SHANK2: variants seen among roughly 807,000 people sequenced by gnomAD.
SHANK2 encodes SH3 and multiple ankyrin repeat domains protein 2.
A neutral mutation model predicts 133.7 loss-of-function variants in SHANK2; 43 were observed. The ratio of observed to expected loss-of-function variants is 0.32; its 90% CI spans 0.25 to 0.41. The LOEUF (loss-of-function observed/expected upper bound fraction) is 0.41, where lower values mean the gene tolerates loss of function less well. SHANK2 is among the 10% of genes least tolerant of loss of function. The pLI is 1.00. For synonymous variants in SHANK2, 1,017 were observed against 952.8 expected (o/e 1.07, Z -1.24); for missense variants, 1,994 against 2,235.8 (o/e 0.89, Z 2.18).
At chr11:71,167,525 G>A (rs1555111201) in intron 2 of SHANK2, among the ~76,000 whole-genome samples, 15 of 131,414 alleles carry the variant, frequency 1.1e-4, no homozygotes, top group East Asian at 4.4e-4. Flanking sequence ...AGACAGGGCG[G>A]CTGGCCGGGC....
chr11:70,787,060 C>G (rs1419733108), intron 14 of SHANK2, among the ~76,000 whole-genome samples: 2 of 151,408 alleles, frequency 1.3e-5, no homozygotes, highest in Non-Finnish European at 2.9e-5. Context: ...CCATGAGCAT[C>G]ACCATCAGCA....
At chr11:70,857,662 G>T (rs998398680) in intron 11 of SHANK2, among the ~76,000 whole-genome samples, 1 of 152,174 alleles carries the variant, frequency 6.6e-6, no homozygotes, top group Admixed American at 6.5e-5. Context: ...TAGTTGACGT[G>T]ATGGCCCACC....
rs782582272 is a variant in SHANK2, at chr11:70,900,036, T to C, written c.1108-3469A>G. On this transcript the variant is annotated intron_variant, in intron 10 of 25. Coordinates refer to ENST00000601538, the MANE Select transcript of SHANK2 (RefSeq NM_012309.5). ...ACAAGTAAAGGTTTAGAGCAGTGCG[T>C]GGCACATGGCCAATCAACCCTAAAA... Among the ~76,000 whole-genome samples the C allele has an allele frequency of 5.5e-4, 83 of 152,188 alleles. 1 individual carries two copies. Among genetic ancestry groups the C allele is most frequent in the Non-Finnish European group, 1.1e-3 (73 of 68,026 alleles).
chr11:70,608,847 C>T (rs182444595), intron 17 of SHANK2, among the ~76,000 whole-genome samples: 1 of 152,346 alleles, frequency 6.6e-6, no homozygotes, highest in Non-Finnish European at 1.5e-5. Flanking sequence ...CTCATTCCAG[C>T]GGCTATAAAT....
chr11:70,539,486 TCACTCGCCA>T (rs1554974771), intron 17 of SHANK2, among the ~76,000 whole-genome samples: 1 of 150,862 alleles, frequency 6.6e-6, no homozygotes, highest in Non-Finnish European at 1.5e-5. Context: ...CACAGAAAGC[TCACTCGCCA>T]CGCTCACCAC....
At chr11:71,145,147 G>A (rs1355188401) in intron 3 of SHANK2, among the ~76,000 whole-genome samples, 4 of 152,238 alleles carry the variant, frequency 2.6e-5, no homozygotes, top group African/African-American at 9.6e-5. Flanking sequence ...CCTGGGGCCA[G>A]TGGCATGGCC....
chr11:70,854,738 C>T (rs1555066483), intron 11 of SHANK2, among the ~76,000 whole-genome samples: 1 of 152,156 alleles, frequency 6.6e-6, no homozygotes, highest in African/African-American at 2.4e-5. Context: ...CAATGGGGAG[C>T]CCAGGGAGAA....
At chr11:71,080,351 A>G (rs998578871) in intron 8 of SHANK2, among the ~76,000 whole-genome samples, 80 of 152,238 alleles carry the variant, frequency 5.3e-4, no homozygotes, top group African/African-American at 1.6e-3. Flanking sequence ...CTGTGCAACC[A>G]CAAGACTTGG....
intron 2 of SHANK2, among the ~76,000 whole-genome samples, chr11:71,163,087 A>T (rs1267267238): frequency 3.6e-5 from 3 of 82,352 alleles, no homozygotes; most frequent in Non-Finnish European, 7.7e-5. Flanking sequence ...AAAAAAAAAA[A>T]AAAAAAATAC....
At chr11:70,495,555 G>A (rs2058956829) in intron 21 of SHANK2, among the ~76,000 whole-genome samples, 1 of 152,218 alleles carries the variant, frequency 6.6e-6, no homozygotes, top group Non-Finnish European at 1.5e-5. Flanking sequence ...CAATGAAACG[G>A]GGGTTGAGAT....
At chr11:71,131,176 T>C (rs1367773370) in intron 3 of SHANK2, among the ~76,000 whole-genome samples, 1 of 152,250 alleles carries the variant, frequency 6.6e-6, no homozygotes, top group Non-Finnish European at 1.5e-5. Flanking sequence ...AATTGGTTTA[T>C]TCCCAAATGC....
At chr11:70,809,298 G>A (rs1453736381) in intron 12 of SHANK2, among the ~76,000 whole-genome samples, 2 of 152,214 alleles carry the variant, frequency 1.3e-5, no homozygotes, top group East Asian at 1.9e-4. Context: ...CCTCTGAGGC[G>A]ATGGAGGCAG....
At chr11:71,185,192 T>C (rs1197619794) in intron 2 of SHANK2, among the ~76,000 whole-genome samples, 1 of 152,202 alleles carries the variant, frequency 6.6e-6, no homozygotes, top group Non-Finnish European at 1.5e-5. Context: ...ACTGTTATGG[T>C]TGTTGAAACT....
At chr11:71,085,775 T>TAATATA (rs1951388709) in intron 8 of SHANK2, among the ~76,000 whole-genome samples, 1 of 76,736 alleles carries the variant, frequency 1.3e-5, no homozygotes, top group Non-Finnish European at 2.2e-5. Context: ...ATATATTATA[T>TAATATA]TTATATTATA....
At chr11:71,206,243 C>T (rs529086675) in intron 2 of SHANK2, among the ~76,000 whole-genome samples, 51 of 152,332 alleles carry the variant, frequency 3.3e-4, no homozygotes, top group Admixed American at 2.3e-3. Flanking sequence ...AGAGCGACTC[C>T]AGGAAGGGCT....
rs564499181 is a variant in SHANK2, at chr11:70,505,699, C to G, written c.2062-2768G>C. ...CTGGATCTGATGCTTGGGGAGAGTA[C>G]GAGACTGGCACGGGGATGGGCTGCC... On this transcript the variant is annotated intron_variant, in intron 17 of 25. Transcript: ENST00000601538. 3.3e-5 allele frequency among the ~76,000 whole-genome samples: 5 copies of G among 152,244 alleles called. No individual in the cohort carries two copies. The South Asian group carries it at 1.0e-3, about 32-fold the overall frequency.
chr11:70,737,769 G>A (rs1555033898), intron 14 of SHANK2, among the ~76,000 whole-genome samples: 1 of 152,210 alleles, frequency 6.6e-6, no homozygotes, highest in Admixed American at 6.5e-5. Context: ...AACATTTTGA[G>A]GACAAATGAT....
At chr11:70,826,046 A>G (rs6421720) in intron 11 of SHANK2, among the ~76,000 whole-genome samples, 148,853 of 152,330 alleles carry the variant, frequency 0.98, 72,813 homozygotes, top group East Asian at 1. Context: ...AGCCGGGAGC[A>G]GCTCGGAAGG....
At chr11:71,211,514 G>T (rs1343778268) in intron 2 of SHANK2, among the ~76,000 whole-genome samples, 3 of 151,090 alleles carry the variant, frequency 2.0e-5, no homozygotes, top group Non-Finnish European at 4.4e-5. Context: ...CTCCAGCCTG[G>T]GCAACAAAGC....
Sources: gnomAD v4.1 joint callset for allele counts (sites outside exome capture counted in the v4.1 genomes callset) on GRCh38, gnomAD v4.1.1 for gene constraint, MANE v1.5 for transcripts, NCBI Gene and HGNC (gene_info 2026-07-23, HGNC 2026-07-21) for gene names.